Variants in CCDC85A observed in about 807,000 individuals in gnomAD.
The protein encoded by CCDC85A is coiled-coil domain-containing protein 85A.
In CCDC85A, 38 loss-of-function variants were observed where a neutral mutation model predicts 50.2. The ratio of observed to expected loss-of-function variants is 0.76; its 90% CI spans 0.58 to 0.99. The LOEUF (loss-of-function observed/expected upper bound fraction) is 0.99, where lower values mean the gene tolerates loss of function less well. Among genes scored for constraint, CCDC85A ranks in the 50% least tolerant of loss-of-function variants. The pLI, the probability that CCDC85A is intolerant of heterozygous loss-of-function variation, is 0.00. For synonymous variants in CCDC85A, 366 were observed against 301.4 expected (o/e 1.21, Z -2.22); for missense variants, 820 against 742.0 (o/e 1.11, Z -1.22).
chr2:56,311,251 T>A (rs1467409881), intron 2 of CCDC85A, among the ~76,000 whole-genome samples: 1 of 152,152 alleles, frequency 6.6e-6, no homozygotes, highest in African/African-American at 2.4e-5. Context: ...GCCTTCCTCT[T>A]CCACTGCTTC....
At chr2:56,291,937 G>A (rs1671729316) in intron 2 of CCDC85A, among the ~76,000 whole-genome samples, 1 of 152,116 alleles carries the variant, frequency 6.6e-6, no homozygotes, top group Non-Finnish European at 1.5e-5. Flanking sequence ...AGATGGCAAA[G>A]GCTAGCTTGC....
chr2:56,371,278 C>A (rs2104389578), intron 3 of CCDC85A, among the ~76,000 whole-genome samples: 1 of 152,220 alleles, frequency 6.6e-6, no homozygotes, highest in South Asian at 2.1e-4. Context: ...ATTATTTCTT[C>A]TCTTTCTTAC....
intron 2 of CCDC85A, among the ~76,000 whole-genome samples, chr2:56,316,855 A>G (rs552367435): frequency 6.6e-6 from 1 of 152,294 alleles, no homozygotes; most frequent in African/African-American, 2.4e-5. Context: ...AGCAGGCATC[A>G]TTGACATTTA....
intron 2 of CCDC85A, among the ~76,000 whole-genome samples, chr2:56,204,229 C>T (rs1351242416): frequency 6.6e-6 from 1 of 152,134 alleles, no homozygotes; most frequent in African/African-American, 2.4e-5. Flanking sequence ...TGAAAAATTA[C>T]ATACATTTAC....
intron 2 of CCDC85A, among the ~76,000 whole-genome samples, chr2:56,200,090 A>G (rs1002433517): frequency 2.0e-5 from 3 of 152,168 alleles, no homozygotes; most frequent in East Asian, 1.9e-4. Flanking sequence ...GATGGTCTCC[A>G]TCTCCGGACC....
intron 2 of CCDC85A, among the ~76,000 whole-genome samples, chr2:56,227,733 T>C (rs1668603234): frequency 6.6e-6 from 1 of 151,496 alleles, no homozygotes; most frequent in Admixed American, 6.6e-5. Flanking sequence ...TTTTTTTTGG[T>C]GTATTTTAAT....
At chr2:56,250,749 C>T (rs1167256393) in intron 2 of CCDC85A, among the ~76,000 whole-genome samples, 1 of 152,124 alleles carries the variant, frequency 6.6e-6, no homozygotes, top group Non-Finnish European at 1.5e-5. Context: ...GGTTAATAAA[C>T]AATCAAGTCT....
chr2:56,303,425 A>G (rs1274425687), intron 2 of CCDC85A, among the ~76,000 whole-genome samples: 1 of 152,138 alleles, frequency 6.6e-6, no homozygotes, highest in Non-Finnish European at 1.5e-5. Context: ...AGCACAGAGT[A>G]AGTGCTTAAT....
At position 56,232,050 on chromosome 2, in the gene CCDC85A, G is replaced by A. The variant is rs75742266; in HGVS notation, c.1240+38610G>A. Reference sequence around the variant, plus strand: ...GACTTCTCAATGTTGGAAGGTCCCAGGGCTACCTTATTTGCATCTTTCTTT... The same window carrying A: ...GACTTCTCAATGTTGGAAGGTCCCAAGGCTACCTTATTTGCATCTTTCTTT... On this transcript the variant is annotated intron_variant, in intron 2 of 5. Transcript: ENST00000407595. Among the ~76,000 whole-genome samples the A allele has an allele frequency of 2.0e-4, 30 of 152,098 alleles. No individual in the cohort carries two copies. The East Asian group carries it at 5.4e-3, about 28-fold the overall frequency.
intron 2 of CCDC85A, among the ~76,000 whole-genome samples, chr2:56,200,766 G>A (rs768207430): frequency 2.0e-5 from 3 of 151,996 alleles, no homozygotes; most frequent in Non-Finnish European, 2.9e-5. Context: ...ACAGATGGCT[G>A]TTCATTTACC....
chr2:56,290,408 C>T (rs373694647), intron 2 of CCDC85A, among the ~76,000 whole-genome samples: 94 of 151,900 alleles, frequency 6.2e-4, no homozygotes, highest in African/African-American at 2.1e-3. Context: ...CTTTTTTTGC[C>T]ATTTCCTGTG....
intron 3 of CCDC85A, among the ~76,000 whole-genome samples, chr2:56,348,206 C>G (rs1257454581): frequency 6.6e-6 from 1 of 152,174 alleles, no homozygotes; most frequent in Non-Finnish European, 1.5e-5. Context: ...ATCAAATGCT[C>G]TGGCGCCCAC....
chr2:56,185,250 A>T (rs1014505876), intron 1 of CCDC85A, among the ~76,000 whole-genome samples: 1 of 152,182 alleles, frequency 6.6e-6, no homozygotes, highest in Non-Finnish European at 1.5e-5. Flanking sequence ...TTAGGCGGAA[A>T]GGCCAGTGAG....
At chr2:56,267,019 A>G (rs1670479178) in intron 2 of CCDC85A, among the ~76,000 whole-genome samples, 1 of 152,164 alleles carries the variant, frequency 6.6e-6, no homozygotes, top group Non-Finnish European at 1.5e-5. Flanking sequence ...GCTTAGGCAA[A>G]TGAAGACAGC....
intron 2 of CCDC85A, among the ~76,000 whole-genome samples, chr2:56,265,234 C>T (rs1361902068): frequency 6.6e-6 from 1 of 152,112 alleles, no homozygotes; most frequent in Non-Finnish European, 1.5e-5. Flanking sequence ...TTCAGATGCC[C>T]CTTTGCCAGA....
chr2:56,335,977 C>T (rs1028149119), intron 2 of CCDC85A, among the ~76,000 whole-genome samples: 1 of 152,054 alleles, frequency 6.6e-6, no homozygotes, highest in African/African-American at 2.4e-5. Flanking sequence ...TCTTAAAGGT[C>T]CCACCTCTTA....
At chr2:56,226,513 T>C (rs1668548045) in intron 2 of CCDC85A, among the ~76,000 whole-genome samples, 1 of 152,158 alleles carries the variant, frequency 6.6e-6, no homozygotes, top group Non-Finnish European at 1.5e-5. Context: ...ATGTCATATT[T>C]TTTTTTTCCT....
chr2:56,320,316 CA>C (rs1338999924), intron 2 of CCDC85A, among the ~76,000 whole-genome samples: 2 of 149,854 alleles, frequency 1.3e-5, no homozygotes, highest in African/African-American at 4.9e-5. Flanking sequence ...GATAGAGACA[CA>C]AAAAACCCTT....
chr2:56,224,267 G>A (rs1470106374), intron 2 of CCDC85A, among the ~76,000 whole-genome samples: 1 of 152,058 alleles, frequency 6.6e-6, no homozygotes, highest in Non-Finnish European at 1.5e-5. Context: ...TGTTTTCAAG[G>A]TTTATTCATC....
Sources: gnomAD v4.1 joint callset for allele counts (sites outside exome capture counted in the v4.1 genomes callset) on GRCh38, gnomAD v4.1.1 for gene constraint, MANE v1.5 for transcripts, NCBI Gene and HGNC (gene_info 2026-07-23, HGNC 2026-07-21) for gene names.